Variants in LRP6 observed in about 807,000 individuals in gnomAD.
LRP6 encodes the protein LDL receptor related protein 6, also known as low-density lipoprotein receptor-related protein 6.
Under a neutral mutation model 184.1 loss-of-function variants are expected in LRP6, and 43 were observed. The ratio of observed to expected loss-of-function variants is 0.23; its 90% CI spans 0.18 to 0.30. LRP6 has a LOEUF of 0.30. LRP6 is among the 10% of genes least tolerant of loss of function. The pLI is 1.00. For synonymous variants in LRP6, 719 were observed against 684.9 expected (o/e 1.05, Z -0.78); for missense variants, 1,571 against 2,005.3 (o/e 0.78, Z 4.14).
In LRP6 at chr12:12,187,115, C is replaced by G. The variant is rs1210947686; in HGVS notation, c.652G>C (p.Ala218Pro). Reference sequence around the variant, plus strand: ...TGTGGAAGGGAACCTTTAACCACTGCCTGCCTATTAACATAAAGAGAAAAA... The same window carrying G: ...TGTGGAAGGGAACCTTTAACCACTGGCTGCCTATTAACATAAAGAGAAAAA... The part of the protein sequence containing the change: ...KSNLDGTNRQ[A>P]VVKGSLPHPF... Residue 218 changes from alanine to proline, a missense_variant, in exon 4 of 23, where the codon GCA becomes CCA. Physicochemically the swap from Ala to Pro is conservative, Grantham distance 27 (BLOSUM62 -1). Around this residue, in one of 4 missense-constraint regions of LRP6, gnomAD observed 640 missense variants for 851.9 expected, o/e 0.75. Coordinates refer to ENST00000261349, the MANE Select transcript of LRP6 (RefSeq NM_002336.3). 9 of 1,613,972 alleles carry G rather than the reference C, an allele frequency of 5.6e-6. No homozygotes were observed. The highest frequency in any genetic ancestry group is 7.6e-6 in the Non-Finnish European group (9 of 1,179,890).
chr12:12,168,084 G>A (rs1282778176), intron 7 of LRP6, among the ~76,000 whole-genome samples: 1 of 152,040 alleles, frequency 6.6e-6, no homozygotes, highest in African/African-American at 2.4e-5. Context: ...TTTCATATGA[G>A]TACACTTTTG....
At chr12:12,221,762 T>A (rs1170539450) in intron 2 of LRP6, among the ~76,000 whole-genome samples, 1 of 152,218 alleles carries the variant, frequency 6.6e-6, no homozygotes, top group African/African-American at 2.4e-5. Context: ...TGTATTTAAC[T>A]CATTAACCAC....
At chr12:12,154,763 T>C (rs887162084) in intron 12 of LRP6, among the ~76,000 whole-genome samples, 4 of 152,106 alleles carry the variant, frequency 2.6e-5, no homozygotes, top group Non-Finnish European at 5.9e-5. Flanking sequence ...TAGCTATGAT[T>C]TTGAAAGTAA....
At chr12:12,199,427 T>C (rs1863856115) in intron 3 of LRP6, among the ~76,000 whole-genome samples, 1 of 152,168 alleles carries the variant, frequency 6.6e-6, no homozygotes, top group Admixed American at 6.5e-5. Context: ...ATTTTCTCTG[T>C]TTAAAATTAA....
intron 6 of LRP6, among the ~76,000 whole-genome samples, chr12:12,180,341 A>G (rs1180454836): frequency 6.8e-6 from 1 of 146,048 alleles, no homozygotes; most frequent in Non-Finnish European, 1.5e-5. Flanking sequence ...CAAAAGGCTT[A>G]TCCCAGCAGT....
In LRP6 at chr12:12,150,896, T is replaced by C. The variant is rs1311188769; in HGVS notation, c.2934A>G (p.Gln978=). 1.9e-6 allele frequency: 3 copies of C among 1,614,018 alleles called. No homozygotes were observed. Among genetic ancestry groups the C allele is most frequent in the Non-Finnish European group, 8.5e-7 (1 of 1,180,022 alleles). Reference sequence around the variant, plus strand: ...TTTGTCGTGAGTCAATCCAATAGAGTTGCTTGTCCAGTGGGTCATAGTCAA... The same window carrying C: ...TTTGTCGTGAGTCAATCCAATAGAGCTGCTTGTCCAGTGGGTCATAGTCAA... The part of the protein sequence containing the change: ...RAIDYDPLDK[Q]LYWIDSRQNM... The change falls in exon 13 of 23, where the codon CAA becomes CAG. Residue 978 remains glutamine (Q), a synonymous_variant. Transcript: ENST00000261349.
chr12:12,162,047 T>TTA, intron 10 of LRP6, 146 bp downstream of exon 10: 1 of 676,176 alleles, frequency 1.5e-6, no homozygotes, highest in Non-Finnish European at 2.6e-6. Flanking sequence ...AAAATATCAA[T>TTA]AGTGTTTTTA....
At chr12:12,213,453 ACT>A (rs778542804) in intron 2 of LRP6, among the ~76,000 whole-genome samples, 54 of 151,628 alleles carry the variant, frequency 3.6e-4, no homozygotes, top group Non-Finnish European at 4.6e-4. Flanking sequence ...ATCAAGGCTA[ACT>A]CTATTATTAA....
chr12:12,186,813 G>T (rs141908217), intron 4 of LRP6, 110 bp downstream of exon 4: 2 of 978,856 alleles, frequency 2.0e-6, no homozygotes, highest in Non-Finnish European at 3.3e-6. Context: ...TTTTATTCCC[G>T]CCAACTATCT....
chr12:12,149,868 TC>T (rs1408628245), intron 13 of LRP6, among the ~76,000 whole-genome samples: 5 of 152,200 alleles, frequency 3.3e-5, no homozygotes, highest in African/African-American at 1.2e-4. Flanking sequence ...TACTGGTATC[TC>T]TGAAGTAACA....
At chr12:12,196,479 CTTAAT>C (rs1276131117) in intron 3 of LRP6, among the ~76,000 whole-genome samples, 4 of 151,936 alleles carry the variant, frequency 2.6e-5, no homozygotes, top group African/African-American at 9.7e-5. Flanking sequence ...ACACTGCCTT[CTTAAT>C]TTCTTTTTCA....
rs543228304 is a variant in LRP6 at position 12,209,280 on chromosome 12, C to T, written c.450-5880G>A. On this transcript the variant is annotated intron_variant, in intron 2 of 22. Coordinates refer to ENST00000261349, the MANE Select transcript of LRP6 (RefSeq NM_002336.3). ...AGCATTTAACTTTGTAACTCAGTGT[C>T]TAGTTTATGGTGAAATAAAATGTTA... Among the ~76,000 whole-genome samples, 3 of 152,268 alleles carry T rather than the reference C, an allele frequency of 2.0e-5. No homozygotes were observed. In the South Asian group the frequency reaches 6.2e-4, roughly 32 times the overall value.
At chr12:12,164,654 C>G (rs1172045631) in intron 8 of LRP6, 92 bp from the exon 9 acceptor site, 1 of 1,210,526 alleles carries the variant, frequency 8.3e-7, no homozygotes, top group Non-Finnish European at 1.2e-6. Context: ...GCGTTTGGTT[C>G]ACAAATGCCT....
At chr12:12,199,964 C>CAAAAAAAAAAAAAAAAAAAAAAAAA (rs146224493) in intron 3 of LRP6, among the ~76,000 whole-genome samples, 1 of 45,174 alleles carries the variant, frequency 2.2e-5, no homozygotes, top group African/African-American at 9.8e-5. Flanking sequence ...GACTCCATCT[C>CAAAAAAAAAAAAAAAAAAAAAAAAA]AAAAAAAAAA....
chr12:12,257,517 C>G (rs1865493496), intron 1 of LRP6, among the ~76,000 whole-genome samples: 1 of 144,188 alleles, frequency 6.9e-6, no homozygotes, highest in South Asian at 2.2e-4. Flanking sequence ...GGAGGCGGAG[C>G]TTGCAGTGAG....
intron 2 of LRP6, among the ~76,000 whole-genome samples, chr12:12,242,939 A>T (rs1427279657): frequency 6.6e-6 from 1 of 152,154 alleles, no homozygotes; most frequent in African/African-American, 2.4e-5. Flanking sequence ...CCTTTCTTCC[A>T]TTCTCCCCAA....
intron 1 of LRP6, among the ~76,000 whole-genome samples, chr12:12,253,837 T>C (rs572242524): frequency 1.3e-5 from 2 of 152,096 alleles, no homozygotes; most frequent in Middle Eastern, 3.4e-3. Context: ...CAGAGTGCAC[T>C]TGTCTTCAAT....
chr12:12,232,545 C>G (rs1490802217), intron 2 of LRP6, among the ~76,000 whole-genome samples: 3 of 147,278 alleles, frequency 2.0e-5, no homozygotes, highest in African/African-American at 5.0e-5. Flanking sequence ...ATATAAAACA[C>G]TCGAGGAAAC....
At chr12:12,190,062 T>C (rs1360046035) in intron 3 of LRP6, among the ~76,000 whole-genome samples, 1 of 152,140 alleles carries the variant, frequency 6.6e-6, no homozygotes, top group Middle Eastern at 3.2e-3. Context: ...CTTGATAAAA[T>C]TAAATGTTTT....
Sources: gnomAD v4.1 joint callset for allele counts (sites outside exome capture counted in the v4.1 genomes callset) on GRCh38, gnomAD v4.1.1 for gene constraint, gnomAD v4.1.1 regional missense constraint, MANE v1.5 for transcripts, NCBI Gene and HGNC (gene_info 2026-07-23, HGNC 2026-07-21) for gene names.